DAAM1: variants seen among roughly 807,000 people sequenced by gnomAD.
DAAM1 encodes disheveled-associated activator of morphogenesis 1.
Under a neutral mutation model 130.0 loss-of-function variants are expected in DAAM1, and 52 were observed. That is an observed-to-expected ratio of 0.40 (90% confidence interval 0.32 to 0.50). DAAM1 has a LOEUF of 0.50. Ranked by LOEUF, DAAM1 falls within the 20% of genes least tolerant of loss-of-function variation. The probability of loss-of-function intolerance (pLI) is 0.61; values close to 1 mark genes in which losing one functional copy is unlikely to be tolerated. For synonymous variants in DAAM1, 452 were observed against 444.5 expected, an observed-to-expected ratio of 1.02 and a Z score of -0.21; for missense variants, 1,134 against 1,303.8, an observed-to-expected ratio of 0.87 and a Z score of 2.01.
intron 3 of DAAM1, among the ~76,000 whole-genome samples, chr14:59,309,084 G>GT (rs1200168382): frequency 3.9e-5 from 6 of 152,174 alleles, no homozygotes; most frequent in Non-Finnish European, 8.8e-5. Context: ...ATAGAATATA[G>GT]TTTTGCTCAC....
intron 3 of DAAM1, among the ~76,000 whole-genome samples, chr14:59,301,279 C>G (rs1386241727): frequency 6.6e-6 from 1 of 152,024 alleles, no homozygotes; most frequent in African/African-American, 2.4e-5. Context: ...GAAAAGTATT[C>G]TATTCAAATA....
intron 1 of DAAM1, among the ~76,000 whole-genome samples, chr14:59,254,339 G>A (rs1172684640): frequency 6.6e-6 from 1 of 152,156 alleles, no homozygotes; most frequent in Admixed American, 6.5e-5. Context: ...TTGTATATTT[G>A]TAAAGAACAA....
chr14:59,292,292 T>G (rs1159168993), intron 3 of DAAM1, among the ~76,000 whole-genome samples: 1 of 152,140 alleles, frequency 6.6e-6, no homozygotes, highest in Non-Finnish European at 1.5e-5. Flanking sequence ...TAATCCAATA[T>G]TTTTTCAAGA....
At chr14:59,267,463 T>A (rs2139514358) in intron 2 of DAAM1, among the ~76,000 whole-genome samples, 1 of 152,108 alleles carries the variant, frequency 6.6e-6, no homozygotes, top group Admixed American at 6.5e-5. Context: ...TTTAGCATTG[T>A]CTTTCTAGTC....
intron 16 of DAAM1, among the ~76,000 whole-genome samples, chr14:59,344,907 A>C (rs1008120647): frequency 6.6e-6 from 1 of 152,144 alleles, no homozygotes; most frequent in East Asian, 1.9e-4. Context: ...GAACTACACC[A>C]TAAAATGGTT....
intron 2 of DAAM1, among the ~76,000 whole-genome samples, chr14:59,267,312 G>T (rs1056217559): frequency 6.6e-6 from 1 of 152,078 alleles, no homozygotes; most frequent in Admixed American, 6.5e-5. Flanking sequence ...TACTGCAACC[G>T]TATCACCTCA....
intron 1 of DAAM1, among the ~76,000 whole-genome samples, chr14:59,235,539 A>G (rs1386452497): frequency 3.3e-5 from 5 of 151,596 alleles, no homozygotes; most frequent in African/African-American, 1.2e-4. Context: ...TCTCTTCTTT[A>G]TTAGTCTAGC....
At chr14:59,238,812 AC>A (rs1889386990) in intron 1 of DAAM1, among the ~76,000 whole-genome samples, 1 of 152,144 alleles carries the variant, frequency 6.6e-6, no homozygotes, top group Non-Finnish European at 1.5e-5. Flanking sequence ...TGTTCTTAAA[AC>A]CATTAAATGT....
At chr14:59,307,916 T>C (rs965264322) in intron 3 of DAAM1, among the ~76,000 whole-genome samples, 1 of 152,226 alleles carries the variant, frequency 6.6e-6, no homozygotes, top group African/African-American at 2.4e-5. Flanking sequence ...TGAAGCATCC[T>C]CAGTCTTATA....
chr14:59,370,144 C>CTTTTTTTTTTTTTTTTTTTTTTTTT lies in DAAM1; in HGVS notation c.*1287_*1311dup, dbSNP rs398025271. 74 of 95,374 alleles carry CTTTTTTTTTTTTTTTTTTTTTTTTT rather than the reference C, an allele frequency of 7.8e-4. 1 individual carries two copies. The highest frequency in any genetic ancestry group is 7.2e-3 in the Middle Eastern group (1 of 138). 5.9% of individuals were successfully genotyped at this position (95,374 alleles called of 1,614,324 possible). On this transcript the variant is annotated 3_prime_UTR_variant, in exon 25 of 25. Transcript: ENST00000360909. ...TATAAAGAGGACTGTTACTTTTTTA[C>CTTTTTTTTTTTTTTTTTTTTTTTTT]TTTTTTTTTTTTTTTTTTTTTTTTT...
chr14:59,250,886 T>C (rs1289435792), intron 1 of DAAM1, among the ~76,000 whole-genome samples: 3 of 152,232 alleles, frequency 2.0e-5, no homozygotes, highest in Non-Finnish European at 2.9e-5. Flanking sequence ...TTCTTTCTTC[T>C]CTGTCTTTTA....
Position 59,331,485 on chromosome 14 carries a change from T to C in DAAM1, c.1837T>C (p.Phe613Leu), listed in dbSNP as rs1223637299. 1 of 1,608,442 alleles carries C rather than the reference T, an allele frequency of 6.2e-7. No individual in the cohort carries two copies. Among genetic ancestry groups the C allele is most frequent in the Non-Finnish European group, 8.5e-7 (1 of 1,176,660 alleles). Residue 613 changes from phenylalanine (F) to leucine (L), a missense_variant, in exon 14 of 25, where the codon TTC becomes CTC. Physicochemically the swap from Phe to Leu is conservative, Grantham distance 22. This residue lies in a region of DAAM1 where 644 missense variants were observed against 695.9 expected (regional missense o/e 0.93). Coordinates refer to ENST00000360909, the MANE Select transcript of DAAM1 (RefSeq NM_001270520.2). ...IPQPTNALKSFNWSKLPENKL... is the reference protein window; with the variant it reads ...IPQPTNALKSLNWSKLPENKL... ...TCAGCCCACAAATGCCCTGAAATCCTTCAACTGGTCTAAACTGCCCGAGGT... is the reference window on the plus strand; with the variant it reads ...TCAGCCCACAAATGCCCTGAAATCCCTCAACTGGTCTAAACTGCCCGAGGT...
At chr14:59,334,888 A>C (rs1885566495) in intron 15 of DAAM1, among the ~76,000 whole-genome samples, 1 of 152,184 alleles carries the variant, frequency 6.6e-6, no homozygotes, top group South Asian at 2.1e-4. Flanking sequence ...GCTGTAAATA[A>C]CTATAATATG....
At position 59,324,429 on chromosome 14, in the gene DAAM1, G is replaced by T; in HGVS notation, c.964G>T (p.Glu322Ter). 1 of 1,589,010 alleles carries T rather than the reference G, an allele frequency of 6.3e-7. No individual in the cohort carries two copies. The highest frequency in any genetic ancestry group is 8.6e-7 in the Non-Finnish European group (1 of 1,168,324). Reference protein sequence around the residue: ...GIQPVIDKLREHENSTLDRHL... With the variant: ...GIQPVIDKLR ...TCAACCTGTAATAGATAAATTAAGG[G>T]AACACGAAAATTCAACATTAGATAG... Residue 322 changes from glutamate to a stop codon, truncating the protein, a stop_gained, in exon 8 of 25, where the codon GAA (glutamate) becomes TAA (stop). Transcript: ENST00000360909. LOFTEE classifies it high-confidence loss of function.
intron 2 of DAAM1, among the ~76,000 whole-genome samples, chr14:59,283,249 G>T (rs1330914908): frequency 6.6e-6 from 1 of 152,090 alleles, no homozygotes; most frequent in Non-Finnish European, 1.5e-5. Flanking sequence ...TTGAATAATT[G>T]ACCTGATTGT....
chr14:59,216,917 GTT>G (rs10707767), intron 1 of DAAM1, among the ~76,000 whole-genome samples: 24,258 of 150,160 alleles, frequency 0.16, 2,362 homozygotes, highest in East Asian at 0.33. Context: ...TGTCTATATA[GTT>G]TTTTTTTTTT....
At chr14:59,362,051 G>A (rs1314710390) in intron 22 of DAAM1, among the ~76,000 whole-genome samples, 3 of 148,450 alleles carry the variant, frequency 2.0e-5, no homozygotes, top group South Asian at 2.2e-4. Flanking sequence ...GGGAGTAGGG[G>A]GCAGTATTAA....
At chr14:59,315,204 T>C in intron 3 of DAAM1, 76 bp from the exon 4 acceptor site, 2 of 1,309,444 alleles carry the variant, frequency 1.5e-6, no homozygotes, top group East Asian at 2.3e-5. Flanking sequence ...GTCTGGGTGC[T>C]CTGGAAGTCG....
In DAAM1 at chr14:59,317,305, T is replaced by G. The variant is rs116783446; in HGVS notation, c.345+1954T>G. Among the ~76,000 whole-genome samples the G allele has an allele frequency of 3.9e-3, 587 of 152,344 alleles. 6 individuals carry two copies. The highest frequency in any genetic ancestry group is 0.013 in the African/African-American group (536 of 41,578). On this transcript the variant is annotated intron_variant, in intron 4 of 24. Transcript: ENST00000360909. ...TGAATTAGTGAGGCCTCAAAATTCCTGCATACTTCAGGGAATAAGGAGATC... is the reference window on the plus strand; with the variant it reads ...TGAATTAGTGAGGCCTCAAAATTCCGGCATACTTCAGGGAATAAGGAGATC...
Sources: gnomAD v4.1 joint callset for allele counts (sites outside exome capture counted in the v4.1 genomes callset) on GRCh38, gnomAD v4.1.1 for gene constraint, gnomAD v4.1.1 regional missense constraint, MANE v1.5 for transcripts, NCBI Gene and HGNC (gene_info 2026-07-23, HGNC 2026-07-21) for gene names.